KANSL1: variants seen among roughly 807,000 people sequenced by gnomAD.
KANSL1 encodes the protein KAT8 regulatory NSL complex subunit 1.
In KANSL1, 22 loss-of-function variants were observed where a neutral mutation model predicts 103.6. The ratio of observed to expected loss-of-function variants is 0.21; its 90% CI spans 0.15 to 0.30. KANSL1 has a LOEUF of 0.30. Among genes scored for constraint, KANSL1 ranks in the 10% least tolerant of loss-of-function variants. The probability of loss-of-function intolerance (pLI) is 1.00; values close to 1 mark genes in which losing one functional copy is unlikely to be tolerated. For synonymous variants in KANSL1, 600 were observed against 527.6 expected (o/e 1.14, Z -1.88); for missense variants, 1,337 against 1,399.8 (o/e 0.96, Z 0.72).
At chr17:46,164,695 T>C (rs1352785153) in intron 2 of KANSL1, among the ~76,000 whole-genome samples, 1 of 152,258 alleles carries the variant, frequency 6.6e-6, no homozygotes, top group Non-Finnish European at 1.5e-5. Context: ...GCTGGGTTCT[T>C]TGCCTCAGCT....
chr17:46,118,190 C>T (rs561538518), intron 2 of KANSL1, among the ~76,000 whole-genome samples: 2 of 152,160 alleles, frequency 1.3e-5, no homozygotes, highest in Non-Finnish European at 2.9e-5. Context: ...GTCATGTTCC[C>T]GACGTTAGTT....
At chr17:46,157,511 T>A (rs1407680001) in intron 2 of KANSL1, among the ~76,000 whole-genome samples, 1 of 152,260 alleles carries the variant, frequency 6.6e-6, no homozygotes, top group Non-Finnish European at 1.5e-5. Context: ...ATCATGTCAA[T>A]GTCTTGAATG....
At chr17:46,138,538 C>T (rs1008383277) in intron 2 of KANSL1, among the ~76,000 whole-genome samples, 1 of 152,180 alleles carries the variant, frequency 6.6e-6, no homozygotes, top group Non-Finnish European at 1.5e-5. Flanking sequence ...CACGGAAGTT[C>T]GTGGAACAAG....
At chr17:46,090,165 G>C (rs1295973650) in intron 3 of KANSL1, among the ~76,000 whole-genome samples, 4 of 152,230 alleles carry the variant, frequency 2.6e-5, no homozygotes, top group Admixed American at 6.5e-5. Flanking sequence ...CAACTGCAGT[G>C]ATGTAGCTAC....
chr17:46,125,072 G>GGGA (rs2043478617), intron 2 of KANSL1, among the ~76,000 whole-genome samples: 1 of 41,618 alleles, frequency 2.4e-5, no homozygotes, highest in Non-Finnish European at 6.3e-5. Context: ...GGAGGGAGGA[G>GGGA]GGAGGGAGGG....
chr17:46,154,717 C>T (rs1369948206), intron 2 of KANSL1, among the ~76,000 whole-genome samples: 3 of 152,210 alleles, frequency 2.0e-5, no homozygotes, highest in East Asian at 1.9e-4. Context: ...ATATTGTATG[C>T]TTTTCTTAGA....
intron 14 of KANSL1, 72 bp from the exon 15 acceptor site, chr17:46,031,775 C>T: frequency 1.4e-6 from 2 of 1,401,008 alleles, no homozygotes; most frequent in Non-Finnish European, 2.0e-6. Flanking sequence ...GGCCCTGCCA[C>T]AAACCTTGTG....
chr17:46,125,069 G>GA (rs2043476499), intron 2 of KANSL1, among the ~76,000 whole-genome samples: 1 of 33,108 alleles, frequency 3.0e-5, no homozygotes, highest in Admixed American at 3.1e-4. Context: ...GAGGGAGGGA[G>GA]GAGGGAGGGA....
Position 46,171,354 on chromosome 17 carries a change from C to G in KANSL1, c.790G>C (p.Glu264Gln). Residue 264 changes from glutamate to glutamine, a missense_variant, in exon 2 of 15, where the codon GAG (glutamate) becomes CAG (glutamine). Physicochemically the swap from Glu to Gln is conservative, Grantham distance 29. Transcript: ENST00000432791. Reference sequence around the variant, plus strand: ...GAAGACAGGGGAGACTTTTTACCCTCCAATTTGACACCCCCCAAGTTAGAG... The same window carrying G: ...GAAGACAGGGGAGACTTTTTACCCTGCAATTTGACACCCCCCAAGTTAGAG... ...SSSNLGGVKL[E>Q]GKKSPLSSIL... is the part of the protein sequence containing the mutation. The G allele has an allele frequency of 6.2e-7, 1 of 1,614,140 alleles. No homozygotes were observed. Among genetic ancestry groups the G allele is most frequent in the Non-Finnish European group, 8.5e-7 (1 of 1,180,040 alleles).
intron 3 of KANSL1, among the ~76,000 whole-genome samples, chr17:46,089,523 A>G (rs1208411808): frequency 6.6e-6 from 1 of 151,602 alleles, no homozygotes; most frequent in African/African-American, 2.4e-5. Context: ...TTATAACTCA[A>G]CAGCCTATCA....
chr17:46,154,002 C>G (rs1164443634), intron 2 of KANSL1, among the ~76,000 whole-genome samples: 6 of 152,208 alleles, frequency 3.9e-5, no homozygotes, highest in Admixed American at 6.5e-5. Flanking sequence ...AACTATACCC[C>G]CCTCTAAATC....
chr17:46,081,364 TAA>T (rs1448061652), intron 4 of KANSL1, among the ~76,000 whole-genome samples: 3 of 152,228 alleles, frequency 2.0e-5, no homozygotes. Context: ...GACCATTCAC[TAA>T]AAGTTTCATT....
At chr17:46,113,540 G>C in intron 2 of KANSL1, among the ~76,000 whole-genome samples, 1 of 152,130 alleles carries the variant, frequency 6.6e-6, no homozygotes. Context: ...GTAGGTATAA[G>C]TGGGGCAAAC....
intron 2 of KANSL1, among the ~76,000 whole-genome samples, chr17:46,115,617 T>C (rs142160012): frequency 6.6e-6 from 1 of 152,294 alleles, no homozygotes. Context: ...TCAAACTAAA[T>C]TAAAAACAAG....
chr17:46,204,388 C>G (rs143002542), intron 1 of KANSL1, among the ~76,000 whole-genome samples: 1,569 of 152,294 alleles, frequency 0.01, 25 homozygotes, highest in African/African-American at 0.034. Flanking sequence ...TCATTTGAAC[C>G]TGGGAAGTGG....
chr17:46,031,263 G>C lies in KANSL1; in HGVS notation c.*213C>G. ...CCTGAACTTCTGTTTGCCAACGGGAGGAAGTGCTCAGGTGTGTGACAAGAA... is the reference window on the plus strand; with the variant it reads ...CCTGAACTTCTGTTTGCCAACGGGACGAAGTGCTCAGGTGTGTGACAAGAA... On this transcript the variant is annotated 3_prime_UTR_variant, in exon 15 of 15. Coordinates refer to ENST00000432791, the MANE Select transcript of KANSL1 (RefSeq NM_015443.4). The C allele has an allele frequency of 1.7e-6, 1 of 603,284 alleles. No individual in the cohort carries two copies. The highest frequency in any genetic ancestry group is 2.1e-5 in the South Asian group (1 of 48,032). 37.4% of individuals were successfully genotyped at this position (603,284 alleles called of 1,614,324 possible).
chr17:46,164,029 C>G (rs1390150284), intron 2 of KANSL1, among the ~76,000 whole-genome samples: 3 of 152,252 alleles, frequency 2.0e-5, no homozygotes, highest in African/African-American at 7.2e-5. Flanking sequence ...AGGCACTGTT[C>G]TAAACATTCA....
intron 2 of KANSL1, among the ~76,000 whole-genome samples, chr17:46,118,890 C>T (rs1451793052): frequency 1.3e-5 from 2 of 152,154 alleles, no homozygotes; most frequent in Non-Finnish European, 2.9e-5. Flanking sequence ...TTCTATTCTA[C>T]ATTCTTTCTC....
chr17:46,078,748 G>A (rs1007213174), intron 4 of KANSL1, among the ~76,000 whole-genome samples: 7 of 150,564 alleles, frequency 4.6e-5, no homozygotes, highest in African/African-American at 1.7e-4. Flanking sequence ...TTCTTAAGCA[G>A]GGGAAAGCAA....
Sources: gnomAD v4.1 joint callset for allele counts (sites outside exome capture counted in the v4.1 genomes callset) on GRCh38, gnomAD v4.1.1 for gene constraint, MANE v1.5 for transcripts, NCBI Gene and HGNC (gene_info 2026-07-23, HGNC 2026-07-21) for gene names.